The following APBB2 variants were observed in gnomAD, a reference collection of about 807,000 sequenced individuals.
The protein encoded by APBB2 is amyloid beta precursor protein binding family B member 2.
A neutral mutation model predicts 82.5 loss-of-function variants in APBB2; 38 were observed. That is an observed-to-expected ratio of 0.46 (90% confidence interval 0.36 to 0.60). The LOEUF is 0.60. APBB2 is among the 20% of genes least tolerant of loss of function. APBB2 has a pLI of 0.00. For synonymous variants in APBB2, 341 were observed against 368.2 expected (o/e 0.93, Z 0.85); for missense variants, 772 against 972.3 (o/e 0.79, Z 2.74).
At chr4:41,091,333 G>C (rs573980627) in intron 3 of APBB2, among the ~76,000 whole-genome samples, 13 of 152,264 alleles carry the variant, frequency 8.5e-5, no homozygotes, top group African/African-American at 3.1e-4. Context: ...CACGTCCAAA[G>C]CAGCCCAAAC....
chr4:41,105,260 GA>G (rs1746770086), intron 2 of APBB2, among the ~76,000 whole-genome samples: 1 of 152,012 alleles, frequency 6.6e-6, no homozygotes, highest in Non-Finnish European at 1.5e-5. Flanking sequence ...TGACACCGAT[GA>G]AAAACAAAAA....
At chr4:41,092,141 A>G (rs771443286) in intron 3 of APBB2, among the ~76,000 whole-genome samples, 6 of 152,256 alleles carry the variant, frequency 3.9e-5, no homozygotes, top group Admixed American at 6.5e-5. Context: ...TGTAAGGCAC[A>G]ACTAGAGTCT....
At chr4:41,163,711 T>C (rs1354180957) in intron 1 of APBB2, among the ~76,000 whole-genome samples, 1 of 152,210 alleles carries the variant, frequency 6.6e-6, no homozygotes, top group Non-Finnish European at 1.5e-5. Context: ...CTTTCTTCAA[T>C]ATGTTCATAA....
intron 4 of APBB2, among the ~76,000 whole-genome samples, chr4:41,053,613 T>C (rs1477797477): frequency 6.6e-6 from 1 of 151,428 alleles, no homozygotes; most frequent in Non-Finnish European, 1.5e-5. Flanking sequence ...TCAGACTATT[T>C]ATGCTATTAC....
intron 12 of APBB2, among the ~76,000 whole-genome samples, chr4:40,878,569 CT>C (rs1767528227): frequency 6.6e-6 from 1 of 152,134 alleles, no homozygotes; most frequent in South Asian, 2.1e-4. Context: ...ACTGTGCCCC[CT>C]AACTCATCCT....
rs1745082774 is a variant in APBB2 at position 40,814,382 on chromosome 4, T to C, written c.*1710A>G. 1 of 152,208 alleles carries C rather than the reference T, an allele frequency of 6.6e-6. No individual in the cohort carries two copies. The highest frequency in any genetic ancestry group is 1.5e-5 in the Non-Finnish European group (1 of 68,034). The allele number at this position is 152,208 out of a possible 1,614,324, so 9.4% of individuals were successfully genotyped here. A position where few individuals can be genotyped will look rare whatever the true frequency, so the allele number is the denominator to read the frequency against. On this transcript the variant is annotated 3_prime_UTR_variant, in exon 18 of 18. Transcript: ENST00000508593. ...ATGCCCAGAATCATTCTGGAAAGGC[T>C]CTTCCTGACGGATATGGAGGCAGCA...
At chr4:41,083,354 G>A (rs1043740608) in intron 3 of APBB2, among the ~76,000 whole-genome samples, 1 of 151,994 alleles carries the variant, frequency 6.6e-6, no homozygotes, top group Non-Finnish European at 1.5e-5. Flanking sequence ...TATAGCTTTA[G>A]GGCTTACAGG....
At chr4:41,098,384 C>T (rs1180534896) in intron 3 of APBB2, among the ~76,000 whole-genome samples, 1 of 152,170 alleles carries the variant, frequency 6.6e-6, no homozygotes, top group South Asian at 2.1e-4. Flanking sequence ...GGGTCTCTTT[C>T]GTTGTCCAGG....
intron 6 of APBB2, 28 bp from the exon 7 acceptor site, chr4:40,945,101 G>T: frequency 2.7e-6 from 2 of 738,540 alleles, no homozygotes; most frequent in African/African-American, 1.8e-5. Context: ...GGGGCGGGGG[G>T]AGAAAGAGAG....
At chr4:41,130,836 T>G (rs1755763990) in intron 2 of APBB2, among the ~76,000 whole-genome samples, 1 of 152,064 alleles carries the variant, frequency 6.6e-6, no homozygotes, top group Non-Finnish European at 1.5e-5. Flanking sequence ...ACAGATCCCC[T>G]TCCTCTATGA....
In APBB2 at chr4:40,810,635, A is replaced by AGTT. The variant is rs1181608652; in HGVS notation, c.*5454_*5456dup. The AGTT allele has an allele frequency of 6.6e-6, 1 of 150,454 alleles. No homozygotes were observed. The highest frequency in any genetic ancestry group is 6.6e-5 in the Admixed American group (1 of 15,096). 9.3% of individuals were successfully genotyped at this position (150,454 alleles called of 1,614,324 possible). On this transcript the variant is annotated 3_prime_UTR_variant, in exon 18 of 18. Coordinates refer to ENST00000508593, the MANE Select transcript of APBB2 (RefSeq NM_004307.2). ...GAAGAAAGGAAACAAGACTTTTTAT[A>AGTT]GTTGAACCAGGCTTATTGTATTTTA...
At chr4:41,040,048 G>A (rs752542372) in intron 4 of APBB2, among the ~76,000 whole-genome samples, 29 of 151,954 alleles carry the variant, frequency 1.9e-4, no homozygotes, top group Non-Finnish European at 2.6e-4. Flanking sequence ...TTGTGAAAAC[G>A]TTCACAAATA....
Position 40,949,982 on chromosome 4 carries a change from C to G in APBB2, c.836-4909G>C, listed in dbSNP as rs980537686. Among the ~76,000 whole-genome samples, 14 of 152,154 alleles carry G rather than the reference C, an allele frequency of 9.2e-5. 1 individual carries two copies. The highest frequency in any genetic ancestry group is 4.4e-5 in the Non-Finnish European group (3 of 68,046). The stretch of plus-strand genomic sequence containing the variant: ...AGATTCGGCACTGGACAGCCTAAAA[C>G]GCACCGTGGGAACCCAACTCAGAGC... On this transcript the variant is annotated intron_variant, in intron 6 of 17. Coordinates refer to ENST00000508593, the MANE Select transcript of APBB2 (RefSeq NM_004307.2).
intron 8 of APBB2, 42 bp downstream of exon 8, chr4:40,935,035 G>A (rs1200591049): frequency 1.4e-6 from 2 of 1,413,918 alleles, no homozygotes; most frequent in African/African-American, 2.9e-5. Flanking sequence ...CATGCAGAAA[G>A]GATAAAATAT....
Position 40,934,458 on chromosome 4 carries a change from T to C in APBB2, c.1252A>G (p.Lys418Glu). Reference sequence around the variant, plus strand: ...GCTGAAAGCAAGTCTTTACAAACCTTGGCTTCTGGGTCACTGTTGATACTA... The same window carrying C: ...GCTGAAAGCAAGTCTTTACAAACCTCGGCTTCTGGGTCACTGTTGATACTA... ...SCSINSDPEA[K>E]CFAVRSLGWV... The change falls in exon 10 of 18, where the codon AAG becomes GAG. Residue 418 changes from lysine to glutamate, a missense_variant and splice_region_variant. Coordinates refer to ENST00000508593, the MANE Select transcript of APBB2 (RefSeq NM_004307.2). The C allele has an allele frequency of 1.2e-6, 2 of 1,614,094 alleles. No homozygotes were observed. The highest frequency in any genetic ancestry group is 1.1e-5 in the South Asian group (1 of 91,072).
intron 1 of APBB2, among the ~76,000 whole-genome samples, chr4:41,157,341 A>G (rs928004666): frequency 6.6e-6 from 1 of 152,168 alleles, no homozygotes; most frequent in Non-Finnish European, 1.5e-5. Flanking sequence ...GCCCCCTTCA[A>G]ATGACCTTCT....
chr4:40,906,791 A>C (rs1342857468), intron 10 of APBB2, among the ~76,000 whole-genome samples: 3 of 152,336 alleles, frequency 2.0e-5, no homozygotes, highest in African/African-American at 7.2e-5. Context: ...CCCTTAGGCC[A>C]CATGGTCTCC....
At chr4:41,189,841 G>A (rs1206225268) in intron 1 of APBB2, among the ~76,000 whole-genome samples, 3 of 152,208 alleles carry the variant, frequency 2.0e-5, no homozygotes, top group East Asian at 1.9e-4. Flanking sequence ...GTTTCTCCAC[G>A]ATAACACTTA....
chr4:40,863,916 A>AAAAAAAT (rs1763410034), intron 12 of APBB2, among the ~76,000 whole-genome samples: 1 of 146,532 alleles, frequency 6.8e-6, no homozygotes, highest in Non-Finnish European at 1.5e-5. Context: ...AAAAAAAAAA[A>AAAAAAAT]GCAAGCCAGG....
Sources: gnomAD v4.1 joint callset for allele counts (sites outside exome capture counted in the v4.1 genomes callset) on GRCh38, gnomAD v4.1.1 for gene constraint, MANE v1.5 for transcripts, NCBI Gene and HGNC (gene_info 2026-07-23, HGNC 2026-07-21) for gene names.